SGCD: variants seen among roughly 807,000 people sequenced by gnomAD.
SGCD encodes sarcoglycan delta.
In SGCD, 18 loss-of-function variants were observed where a neutral mutation model predicts 36.6. The ratio of observed to expected loss-of-function variants is 0.49; its 90% confidence interval spans 0.34 to 0.73. The LOEUF (loss-of-function observed/expected upper bound fraction) is 0.73. Ranked by LOEUF, SGCD falls within the 30% of genes least tolerant of loss-of-function variation. SGCD has a pLI of 0.01. For missense variants in SGCD, 387 were observed against 346.7 expected, an observed-to-expected ratio of 1.12 and a Z score of -0.92; for synonymous variants, 133 against 130.6, an observed-to-expected ratio of 1.02 and a Z score of -0.12.
chr5:156,759,153 T>C, intron 8 of SGCD, 64 bp from the exon 9 acceptor site: 1 of 1,276,440 alleles, frequency 7.8e-7, no homozygotes, highest in Non-Finnish European at 1.1e-6. Flanking sequence ...TTGCTGTTTC[T>C]GAATGTCAAG....
chr5:156,098,896 C>A (rs1761447887), intron 1 of SGCD, among the ~76,000 whole-genome samples: 1 of 152,218 alleles, frequency 6.6e-6, no homozygotes, highest in African/African-American at 2.4e-5. Flanking sequence ...GAAAGAGATG[C>A]CTCAAGTTCA....
At chr5:156,563,532 G>A (rs1232507497) in intron 4 of SGCD, among the ~76,000 whole-genome samples, 1 of 152,184 alleles carries the variant, frequency 6.6e-6, no homozygotes, top group East Asian at 1.9e-4. Context: ...GCCACACTCT[G>A]CCTTTCCCTC....
rs1380002546 is a variant in SGCD, at chr5:156,761,581, G to C, written c.*2191G>C. ...ATCCCATATCATTCAGATAAACAAT[G>C]ATAGCTACAAAGTCATTTGTGGCTA... On this transcript the variant is annotated 3_prime_UTR_variant, in exon 9 of 9. Coordinates refer to ENST00000337851, the MANE Select transcript of SGCD (RefSeq NM_000337.6). 2 of 152,198 alleles carry C rather than the reference G, an allele frequency of 1.3e-5. No homozygotes were observed. Among genetic ancestry groups the C allele is most frequent in the African/African-American group, 4.8e-5 (2 of 41,448 alleles). The allele number at this position is 152,198 out of a possible 1,614,324, so 9.4% of individuals were successfully genotyped here.
intron 6 of SGCD, among the ~76,000 whole-genome samples, chr5:156,598,098 C>A (rs1445985860): frequency 6.6e-6 from 1 of 152,238 alleles, no homozygotes; most frequent in East Asian, 1.9e-4. Flanking sequence ...AGACTCCAGC[C>A]TCGGTGCACT....
At chr5:156,532,049 G>T (rs1169107254) in intron 4 of SGCD, among the ~76,000 whole-genome samples, 1 of 152,132 alleles carries the variant, frequency 6.6e-6, no homozygotes, top group African/African-American at 2.4e-5. Context: ...GGCAGAGGTT[G>T]CAGGGAGCCG....
intron 6 of SGCD, among the ~76,000 whole-genome samples, chr5:156,608,322 AG>A (rs1761588602): frequency 1.3e-5 from 2 of 152,200 alleles, no homozygotes; most frequent in African/African-American, 4.8e-5. Context: ...ATTCAGGAGC[AG>A]GTTGTTCAGT....
intron 1 of SGCD, among the ~76,000 whole-genome samples, chr5:155,917,516 A>G (rs996105538): frequency 2.0e-5 from 3 of 152,230 alleles, no homozygotes; most frequent in Non-Finnish European, 4.4e-5. Context: ...TGACAAATAA[A>G]GAATATGTTT....
chr5:155,956,101 CTCT>C (rs569747815), intron 1 of SGCD, among the ~76,000 whole-genome samples: 43 of 143,072 alleles, frequency 3.0e-4, no homozygotes, highest in African/African-American at 1.0e-3. Context: ...TGCTTTCTTG[CTCT>C]TCTTGTTTTT....
chr5:156,077,905 A>G (rs942301969), intron 1 of SGCD, among the ~76,000 whole-genome samples: 1 of 152,224 alleles, frequency 6.6e-6, no homozygotes, highest in African/African-American at 2.4e-5. Context: ...GTTCTGTTTT[A>G]GGCTTTAGAG....
chr5:156,496,702 T>C (rs900258481), intron 3 of SGCD, among the ~76,000 whole-genome samples: 1 of 152,114 alleles, frequency 6.6e-6, no homozygotes, highest in Non-Finnish European at 1.5e-5. Context: ...AAGCATCAGC[T>C]CTGAGTTGAC....
chr5:156,113,041 A>T (rs1212809457), intron 1 of SGCD, among the ~76,000 whole-genome samples: 1 of 152,174 alleles, frequency 6.6e-6, no homozygotes, highest in African/African-American at 2.4e-5. Context: ...TGTAAATTCA[A>T]CTTTACGTGC....
the SGCD span, among the ~76,000 whole-genome samples, chr5:155,796,532 G>A: frequency 1.4e-3 from 218 of 151,676 alleles, 1 homozygote; most frequent in African/African-American, 5.0e-3. Flanking sequence ...GGCCGGGCGC[G>A]GTGGCTCATG....
At chr5:156,000,315 C>T (rs1189168650) in intron 1 of SGCD, among the ~76,000 whole-genome samples, 1 of 152,152 alleles carries the variant, frequency 6.6e-6, no homozygotes, top group Non-Finnish European at 1.5e-5. Context: ...GAGGCTTGGG[C>T]TTGTTTGGGC....
chr5:155,971,668 T>C (rs992894374), intron 1 of SGCD, among the ~76,000 whole-genome samples: 7 of 152,110 alleles, frequency 4.6e-5, no homozygotes, highest in Admixed American at 3.3e-4. Flanking sequence ...AAATAATATA[T>C]CTTCAGAAGA....
intron 1 of SGCD, among the ~76,000 whole-genome samples, chr5:156,046,777 C>T (rs556732568): frequency 1.4e-4 from 21 of 152,022 alleles, no homozygotes; most frequent in Non-Finnish European, 2.6e-4. Flanking sequence ...TTAATGGCCT[C>T]CAATTGTCTC....
intron 3 of SGCD, among the ~76,000 whole-genome samples, chr5:156,201,097 G>A (rs1405080067): frequency 6.6e-6 from 1 of 152,174 alleles, no homozygotes; most frequent in Non-Finnish European, 1.5e-5. Context: ...GAGGCAGGGA[G>A]AAGGAATTAT....
the SGCD span, among the ~76,000 whole-genome samples, chr5:155,786,764 C>A: frequency 2.6e-5 from 4 of 152,116 alleles, no homozygotes; most frequent in African/African-American, 9.7e-5. Context: ...TAATTGACTT[C>A]TAGAAATGAA....
At chr5:156,503,525 C>A (rs947435640) in intron 3 of SGCD, among the ~76,000 whole-genome samples, 11 of 152,170 alleles carry the variant, frequency 7.2e-5, no homozygotes, top group African/African-American at 2.7e-4. Flanking sequence ...AGAAACCCAG[C>A]AGGAACCATA....
At chr5:156,554,338 G>C (rs1758919404) in intron 4 of SGCD, among the ~76,000 whole-genome samples, 1 of 148,776 alleles carries the variant, frequency 6.7e-6, no homozygotes, top group African/African-American at 2.5e-5. Context: ...CTTGGCAACA[G>C]AGCGAGAGTC....
Sources: allele counts gnomAD v4.1 joint callset (sites outside exome capture counted in the v4.1 genomes callset), GRCh38; gene constraint gnomAD v4.1.1; transcripts MANE v1.5; gene names NCBI Gene and HGNC (gene_info 2026-07-23, HGNC 2026-07-21).